Variants in TM6SF1 observed in about 807,000 individuals in gnomAD.
TM6SF1 encodes transmembrane 6 superfamily member 1.
Under a neutral mutation model 47.1 loss-of-function variants are expected in TM6SF1, and 43 were observed. The ratio of observed to expected loss-of-function variants is 0.91; its 90% confidence interval spans 0.72 to 1.18. TM6SF1 has a LOEUF of 1.18. TM6SF1 is among the 50% of genes most tolerant of loss of function. The pLI is 0.00. For missense variants in TM6SF1, 390 were observed against 449.0 expected, an observed-to-expected ratio of 0.87 and a Z score of 1.19; for synonymous variants, 177 against 166.3, an observed-to-expected ratio of 1.06 and a Z score of -0.49.
chr15:83,123,000 G>GC, intron 6 of TM6SF1, 122 bp downstream of exon 6: 5 of 1,093,024 alleles, frequency 4.6e-6, no homozygotes, highest in Non-Finnish European at 6.6e-6. Flanking sequence ...CAAACAGTGC[G>GC]ACTGTTTTGA....
intron 2 of TM6SF1, chr15:83,114,814 C>T (rs930309153): frequency 6.6e-6 from 1 of 152,238 alleles, no homozygotes; most frequent in African/African-American, 2.4e-5. Flanking sequence ...TAAATTTGAT[C>T]ACCTGCTGTT....
intron 9 of TM6SF1, chr15:83,128,361 T>C (rs2035952544): frequency 6.6e-6 from 1 of 152,210 alleles, no homozygotes; most frequent in South Asian, 2.1e-4. Context: ...AAAATTAGCA[T>C]AGTAGTATCG....
At position 83,112,954 on chromosome 15, in the gene TM6SF1, C is replaced by G. The variant is rs533605627; in HGVS notation, c.196+54C>G. On this transcript the variant is annotated intron_variant, in intron 2 of 9. Coordinates refer to ENST00000322019, the MANE Select transcript of TM6SF1 (RefSeq NM_023003.5). ...TATCTGATTAATAACACAATACTTT[C>G]AGCCTCAGTCACATATTCCTCCTTG... 98 of 1,387,034 alleles carry G rather than the reference C, an allele frequency of 7.1e-5. No individual in the cohort carries two copies. In the African/African-American group the frequency reaches 1.0e-3, roughly 15 times the overall value. 85.9% of individuals were successfully genotyped at this position (1,387,034 alleles called of 1,614,324 possible).
intron 1 of TM6SF1, among the ~76,000 whole-genome samples, chr15:83,112,193 GCCCT>G (rs2034253691): frequency 6.6e-6 from 1 of 152,168 alleles, no homozygotes; most frequent in Admixed American, 6.5e-5. Flanking sequence ...TGGTCTGTTG[GCCCT>G]GGTTCTGGGG....
At chr15:83,111,805 G>C in intron 1 of TM6SF1, 6 of 430,916 alleles carry the variant, frequency 1.4e-5, no homozygotes, top group Non-Finnish European at 1.9e-5. Flanking sequence ...AGTGGGTAGA[G>C]CTCAGAGTCC....
chr15:83,131,796 G>A (rs1047583894), intron 9 of TM6SF1: 10 of 152,180 alleles, frequency 6.6e-5, no homozygotes, highest in African/African-American at 1.9e-4. Flanking sequence ...GAGTTCCACT[G>A]GGGACTTACT....
At chr15:83,118,342 C>T (rs973871911) in intron 3 of TM6SF1, among the ~76,000 whole-genome samples, 11 of 151,938 alleles carry the variant, frequency 7.2e-5, no homozygotes, top group African/African-American at 1.2e-4. Context: ...AGAGTTCAGG[C>T]GAGTTGAAAG....
At chr15:83,129,504 T>C (rs2036054552) in intron 9 of TM6SF1, 1 of 152,170 alleles carries the variant, frequency 6.6e-6, no homozygotes, top group African/African-American at 2.4e-5. Context: ...AAAACCCCAA[T>C]TTAAAGATGA....
At chr15:83,122,240 G>GT (rs1284293816) in intron 5 of TM6SF1, among the ~76,000 whole-genome samples, 1 of 152,086 alleles carries the variant, frequency 6.6e-6, no homozygotes, top group Non-Finnish European at 1.5e-5. Context: ...AGGGATTCCT[G>GT]TTTTTTTAGA....
At chr15:83,128,968 CT>C (rs1408891173) in intron 9 of TM6SF1, 1 of 152,142 alleles carries the variant, frequency 6.6e-6, no homozygotes, top group East Asian at 1.9e-4. Flanking sequence ...GTAGCTGGGA[CT>C]ACAGACATAC....
chr15:83,119,913 T>C, intron 4 of TM6SF1: 1 of 451,350 alleles, frequency 2.2e-6, no homozygotes, highest in Non-Finnish European at 3.9e-6. Context: ...CCTTTAAGCT[T>C]TCTGATTATG....
At chr15:83,130,091 G>C (rs922891760) in intron 9 of TM6SF1, 1 of 152,252 alleles carries the variant, frequency 6.6e-6, no homozygotes, top group African/African-American at 2.4e-5. Flanking sequence ...CCTGATGCAG[G>C]AATGCTAAGT....
intron 2 of TM6SF1, chr15:83,114,854 C>T (rs1320916766): frequency 6.6e-6 from 1 of 152,182 alleles, no homozygotes; most frequent in Admixed American, 6.5e-5. Flanking sequence ...GTTATTTGTG[C>T]TAGTAGTTTT....
chr15:83,111,778 A>C, intron 1 of TM6SF1: 1 of 700,946 alleles, frequency 1.4e-6, no homozygotes, highest in Non-Finnish European at 1.8e-6. Flanking sequence ...TTGCTGTTGG[A>C]CTGCAGGAGA....
chr15:83,126,791 T>C lies in TM6SF1; in HGVS notation c.745T>C (p.Tyr249His), dbSNP rs2035790564. Residue 249 changes from tyrosine to histidine, a missense_variant, in exon 8 of 10, where the codon TAT becomes CAT. Transcript: ENST00000322019. Reference sequence around the variant, plus strand: ...TTGCCCATCTGAGCTCTGCCGATTATATACGCAATTTCAAGAGCCCTATCT... The same window carrying C: ...TTGCCCATCTGAGCTCTGCCGATTACATACGCAATTTCAAGAGCCCTATCT... The part of the protein sequence containing the change: ...LDCPSELCRL[Y>H]TQFQEPYLKD... 4 of 1,614,088 alleles carry C rather than the reference T, an allele frequency of 2.5e-6. No homozygotes were observed. Among genetic ancestry groups the C allele is most frequent in the Non-Finnish European group, 3.4e-6 (4 of 1,179,964 alleles).
chr15:83,119,757 T>C lies in TM6SF1; in HGVS notation c.398+76T>C. 3 of 1,597,344 alleles carry C rather than the reference T, an allele frequency of 1.9e-6. No homozygotes were observed. In the South Asian group the frequency reaches 3.4e-5, roughly 18 times the overall value. ...CGGGTATGTAAGGAAACGTTATGCA[T>C]AGAGGCAAATACACAAGCAGGTATA... On this transcript the variant is annotated intron_variant, in intron 4 of 9. Coordinates refer to ENST00000322019, the MANE Select transcript of TM6SF1 (RefSeq NM_023003.5).
intron 9 of TM6SF1, chr15:83,133,160 T>G (rs1293062766): frequency 6.6e-6 from 1 of 152,240 alleles, no homozygotes; most frequent in African/African-American, 2.4e-5. Context: ...TGACTCTGGA[T>G]GTCTAGTTCC....
chr15:83,126,742 T>G lies in TM6SF1; in HGVS notation c.709-13T>G. ...TGATTGTATTTTTATAATGAGTTTA[T>G]TTTTGTCCTTAGATTGCTTTGGATT... On this transcript the variant is annotated splice_polypyrimidine_tract_variant and intron_variant, in intron 7 of 9. Transcript: ENST00000322019. 6.2e-7 allele frequency: 1 copy of G among 1,603,084 alleles called. No individual in the cohort carries two copies. Among genetic ancestry groups the G allele is most frequent in the Non-Finnish European group, 8.5e-7 (1 of 1,173,162 alleles).
At chr15:83,114,910 A>G (rs1335173669) in intron 2 of TM6SF1, 2 of 152,254 alleles carry the variant, frequency 1.3e-5, no homozygotes, top group Non-Finnish European at 2.9e-5. Flanking sequence ...ATTCTCTGAC[A>G]GGTATAGCTT....
Sources: gnomAD v4.1 joint callset for allele counts (sites outside exome capture counted in the v4.1 genomes callset) on GRCh38, gnomAD v4.1.1 for gene constraint, MANE v1.5 for transcripts, NCBI Gene and HGNC (gene_info 2026-07-23, HGNC 2026-07-21) for gene names.